C1GALT1: variants seen among roughly 807,000 people sequenced by gnomAD.
The protein encoded by C1GALT1 is core 1 synthase, glycoprotein-N-acetylgalactosamine 3-beta-galactosyltransferase 1.
C1GALT1 carries 11 observed loss-of-function variants against 31.0 expected under a neutral mutation model. The observed-to-expected ratio is 0.36, with a 90% CI of 0.22 to 0.59. The LOEUF (loss-of-function observed/expected upper bound fraction) is 0.59, where lower values mean the gene tolerates loss of function less well. Ranked by LOEUF, C1GALT1 falls within the 20% of genes least tolerant of loss-of-function variation. C1GALT1 has a pLI of 0.79. For synonymous variants in C1GALT1, 175 were observed against 143.6 expected, an observed-to-expected ratio of 1.22 and a Z score of -1.56; for missense variants, 424 against 425.2, an observed-to-expected ratio of 1.00 and a Z score of 0.03.
At chr7:7,207,335 C>CT (rs57510429) in intron 1 of C1GALT1, among the ~76,000 whole-genome samples, 2,651 of 47,890 alleles carry the variant, frequency 0.055, 986 homozygotes, top group East Asian at 0.083. Flanking sequence ...TACTCTGTTG[C>CT]TTTTTTTTTT....
At chr7:7,233,490 C>T (rs1426776658) in intron 1 of C1GALT1, among the ~76,000 whole-genome samples, 1 of 152,154 alleles carries the variant, frequency 6.6e-6, no homozygotes, top group Non-Finnish European at 1.5e-5. Context: ...CCAGGCTGGT[C>T]TCAAGCTCCT....
chr7:7,204,048 G>C (rs1270408839), intron 1 of C1GALT1, among the ~76,000 whole-genome samples: 2 of 150,512 alleles, frequency 1.3e-5, no homozygotes, highest in African/African-American at 4.9e-5. Context: ...TTGGTATCAG[G>C]GTAATGCTGG....
chr7:7,161,742 G>T (rs1251391589), intron 2 of C1GALT1, among the ~76,000 whole-genome samples: 3 of 152,164 alleles, frequency 2.0e-5, no homozygotes, highest in Non-Finnish European at 2.9e-5. Flanking sequence ...CTATCAGATT[G>T]TGTCACAATG....
At chr7:7,173,396 A>G (rs905634980) in intron 2 of C1GALT1, among the ~76,000 whole-genome samples, 1 of 152,046 alleles carries the variant, frequency 6.6e-6, no homozygotes, top group African/African-American at 2.4e-5. Context: ...CAGAACCATG[A>G]GCCAGTTAAA....
upstream of C1GALT1, among the ~76,000 whole-genome samples, chr7:7,179,007 G>C (rs1250511239): frequency 1.3e-5 from 2 of 152,182 alleles, no homozygotes; most frequent in Admixed American, 6.5e-5. Context: ...TCATTTGAAG[G>C]CCTGAAGGGT....
At chr7:7,188,656 A>T (rs1476466273) in intron 1 of C1GALT1, among the ~76,000 whole-genome samples, 2 of 152,216 alleles carry the variant, frequency 1.3e-5, no homozygotes, top group African/African-American at 4.8e-5. Context: ...AGCTCTTGTT[A>T]AATATCATAT....
intron 2 of C1GALT1, among the ~76,000 whole-genome samples, chr7:7,165,758 G>A (rs1388410809): frequency 6.6e-6 from 1 of 152,114 alleles, no homozygotes; most frequent in Admixed American, 6.6e-5. Context: ...AATCTGAAAT[G>A]GTCTAAAATC....
upstream of C1GALT1, among the ~76,000 whole-genome samples, chr7:7,181,563 C>G (rs1310717703): frequency 6.6e-6 from 1 of 152,142 alleles, no homozygotes; most frequent in African/African-American, 2.4e-5. Flanking sequence ...ACAGCTGAAC[C>G]TAAGCAAATT....
chr7:7,222,532 GTGT>G (rs998473712), intron 1 of C1GALT1, among the ~76,000 whole-genome samples: 1 of 152,138 alleles, frequency 6.6e-6, no homozygotes, highest in Non-Finnish European at 1.5e-5. Flanking sequence ...ATTATACAAA[GTGT>G]TATTTTTTCA....
Position 7,243,611 on chromosome 7 carries a change from C to T in C1GALT1, c.976C>T (p.Leu326Phe). The change falls in exon 4 of 4, where the codon CTT becomes TTT. Residue 326 changes from leucine (L) to phenylalanine (F), a missense_variant. Coordinates refer to ENST00000436587, the MANE Select transcript of C1GALT1 (RefSeq NM_020156.5). ...MYELEYLVYH[L>F]RPYGYLYRYQ... ...TGAGTTAGAATACCTCGTTTATCAT[C>T]TTCGTCCATATGGTTATTTATACAG... The T allele has an allele frequency of 6.2e-7, 1 of 1,612,634 alleles. No homozygotes were observed.
intron 2 of C1GALT1, among the ~76,000 whole-genome samples, chr7:7,172,389 C>G (rs1214653812): frequency 6.6e-6 from 1 of 152,052 alleles, no homozygotes; most frequent in African/African-American, 2.4e-5. Context: ...CTCTCTCTAC[C>G]TCTGGCTTTT....
At chr7:7,183,901 A>T (rs1257397879) in intron 1 of C1GALT1, among the ~76,000 whole-genome samples, 1 of 152,250 alleles carries the variant, frequency 6.6e-6, no homozygotes, top group African/African-American at 2.4e-5. Context: ...TCAATGAATA[A>T]TTGGCCGATG....
intron 1 of C1GALT1, among the ~76,000 whole-genome samples, chr7:7,214,696 A>G (rs1353719060): frequency 6.6e-6 from 1 of 151,982 alleles, no homozygotes; most frequent in East Asian, 1.9e-4. Context: ...AACCCAAGCA[A>G]CTCCATTTGG....
chr7:7,226,701 T>C (rs1379564035), intron 1 of C1GALT1, among the ~76,000 whole-genome samples: 1 of 152,172 alleles, frequency 6.6e-6, no homozygotes, highest in Non-Finnish European at 1.5e-5. Flanking sequence ...AAAAACTGCT[T>C]GCTGAAACCC....
Position 7,244,845 on chromosome 7 carries a change from A to G in C1GALT1, c.*1118A>G, listed in dbSNP as rs1011578381. On this transcript the variant is annotated 3_prime_UTR_variant, in exon 4 of 4. Coordinates refer to ENST00000436587, the MANE Select transcript of C1GALT1 (RefSeq NM_020156.5). ...GAATTAAAAACAATAGAAAATGTAG[A>G]GTGCTTAAACAAAAATGTTATATTT... 1.3e-5 allele frequency: 2 copies of G among 152,228 alleles called. No homozygotes were observed. Among genetic ancestry groups the G allele is most frequent in the Admixed American group, 1.3e-4 (2 of 15,284 alleles). 9.4% of individuals were successfully genotyped at this position (152,228 alleles called of 1,614,324 possible).
chr7:7,223,479 G>C (rs1782606709), intron 1 of C1GALT1, among the ~76,000 whole-genome samples: 1 of 152,120 alleles, frequency 6.6e-6, no homozygotes, highest in Admixed American at 6.5e-5. Context: ...AGGTTCTTTA[G>C]TTTTATATGG....
At position 7,246,246 on chromosome 7, in the gene C1GALT1, C is replaced by G. The variant is rs1351086510; in HGVS notation, c.*2519C>G. The G allele has an allele frequency of 6.6e-6, 1 of 152,096 alleles. No individual in the cohort carries two copies. Among genetic ancestry groups the G allele is most frequent in the African/African-American group, 2.4e-5 (1 of 41,398 alleles). 9.4% of individuals were successfully genotyped at this position (152,096 alleles called of 1,614,324 possible). Reference sequence around the variant, plus strand: ...AGAGACAAAGTAACTTTGTCACTGTCACAAAGCTAGTAAGTAACAGAGGTA... The same window carrying G: ...AGAGACAAAGTAACTTTGTCACTGTGACAAAGCTAGTAAGTAACAGAGGTA... On this transcript the variant is annotated 3_prime_UTR_variant, in exon 4 of 4. Transcript: ENST00000436587.
upstream of C1GALT1, among the ~76,000 whole-genome samples, chr7:7,181,715 G>C (rs1364036455): frequency 1.3e-5 from 2 of 152,182 alleles, no homozygotes; most frequent in Non-Finnish European, 2.9e-5. Flanking sequence ...ATGCTGTAGA[G>C]TACTAAAGAA....
At chr7:7,164,342 T>C (rs1322317221) in intron 2 of C1GALT1, among the ~76,000 whole-genome samples, 1 of 152,166 alleles carries the variant, frequency 6.6e-6, no homozygotes, top group African/African-American at 2.4e-5. Flanking sequence ...AACGGGTCTA[T>C]GATGTATGAA....
Sources: allele counts gnomAD v4.1 joint callset (sites outside exome capture counted in the v4.1 genomes callset), GRCh38; gene constraint gnomAD v4.1.1; transcripts MANE v1.5; gene names NCBI Gene and HGNC (gene_info 2026-07-23, HGNC 2026-07-21).